ZRANB3: variants seen among roughly 807,000 people sequenced by gnomAD.
ZRANB3 encodes DNA annealing helicase and endonuclease ZRANB3.
In ZRANB3, 125 loss-of-function variants were observed where a neutral mutation model predicts 133.8. That is an observed-to-expected ratio of 0.93 (90% CI 0.81 to 1.08). The LOEUF (loss-of-function observed/expected upper bound fraction) is 1.08. ZRANB3 is among the 50% of genes least tolerant of loss of function. ZRANB3 has a pLI of 0.00. For synonymous variants in ZRANB3, 387 were observed against 432.7 expected, an observed-to-expected ratio of 0.89 and a Z score of 1.31; for missense variants, 1,229 against 1,275.5, an observed-to-expected ratio of 0.96 and a Z score of 0.56.
chr2:135,491,346 A>T (rs1391716892), intron 2 of ZRANB3, among the ~76,000 whole-genome samples: 5 of 152,096 alleles, frequency 3.3e-5, no homozygotes, highest in South Asian at 2.1e-4. Flanking sequence ...GTATTTTTTT[A>T]AATTAATTTA....
chr2:135,227,460 T>C (rs1694798698), intron 14 of ZRANB3, among the ~76,000 whole-genome samples: 1 of 152,256 alleles, frequency 6.6e-6, no homozygotes, highest in African/African-American at 2.4e-5. Flanking sequence ...AAGTGTTAGT[T>C]AATTATCTGT....
At chr2:135,297,246 CTT>C (rs1682171886) in intron 8 of ZRANB3, among the ~76,000 whole-genome samples, 1 of 152,226 alleles carries the variant, frequency 6.6e-6, no homozygotes. Context: ...TTCCCGGCCA[CTT>C]TGTTTACCTA....
intron 5 of ZRANB3, among the ~76,000 whole-genome samples, chr2:135,346,746 TCTCA>T (rs1437016764): frequency 2.6e-5 from 4 of 152,018 alleles, no homozygotes; most frequent in Non-Finnish European, 5.9e-5. Flanking sequence ...CACAGGACTG[TCTCA>T]CTGTTATTTT....
rs988330028 is a variant in ZRANB3 at position 135,234,831 on chromosome 2, A to C, written c.1540-3904T>G. ...TATACCACTAAATGCCCACAAGAGA[A>C]AGCAGGAAAGATCTAAAATTGACAC... On this transcript the variant is annotated intron_variant, in intron 12 of 20. Transcript: ENST00000264159. 5.9e-5 allele frequency among the ~76,000 whole-genome samples: 9 copies of C among 152,358 alleles called. No homozygotes were observed. In the East Asian group the frequency reaches 9.6e-4, roughly 16 times the overall value.
chr2:135,443,554 A>T (rs917331286), intron 2 of ZRANB3, among the ~76,000 whole-genome samples: 6 of 152,192 alleles, frequency 3.9e-5, no homozygotes, highest in African/African-American at 1.4e-4. Context: ...AAAAAAGTAC[A>T]TTAGTAAGCA....
intron 8 of ZRANB3, among the ~76,000 whole-genome samples, chr2:135,290,282 A>C (rs891450203): frequency 3.3e-5 from 5 of 152,310 alleles, no homozygotes; most frequent in Non-Finnish European, 5.9e-5. Flanking sequence ...CTGCAGTGTT[A>C]GGTGCATACA....
intron 1 of ZRANB3, among the ~76,000 whole-genome samples, chr2:135,516,884 T>C (rs1693719350): frequency 6.6e-6 from 1 of 152,186 alleles, no homozygotes; most frequent in Non-Finnish European, 1.5e-5. Context: ...CTTGGTTCTA[T>C]TCTCCCTGTC....
rs546544527 is a variant in ZRANB3, at chr2:135,496,405, A to C, written c.161+7924T>G. The stretch of plus-strand genomic sequence containing the variant: ...ATCTTAAAAAAAAAAAAAAAAAAAA[A>C]AAAAAAACGAAATCCGCAGATTAAG... On this transcript the variant is annotated intron_variant, in intron 2 of 20. Transcript: ENST00000264159. 2.3e-4 allele frequency among the ~76,000 whole-genome samples: 35 copies of C among 150,380 alleles called. 1 individual carries two copies. The South Asian group carries it at 5.4e-3, about 23-fold the overall frequency.
chr2:135,515,504 AAAG>A (rs780887238), intron 1 of ZRANB3, among the ~76,000 whole-genome samples: 21 of 152,132 alleles, frequency 1.4e-4, no homozygotes, highest in Non-Finnish European at 5.9e-5. Flanking sequence ...CATTGGTTTC[AAAG>A]AATTTATTTA....
chr2:135,440,433 T>C, intron 2 of ZRANB3, among the ~76,000 whole-genome samples: 1 of 151,698 alleles, frequency 6.6e-6, no homozygotes, highest in East Asian at 1.9e-4. Context: ...GATTTTCAAC[T>C]GCGTGAGGGA....
In ZRANB3 at chr2:135,275,584, A is replaced by G. The variant is rs1003097770; in HGVS notation, c.1086+52T>C. On this transcript the variant is annotated intron_variant, in intron 9 of 20. Coordinates refer to ENST00000264159, the MANE Select transcript of ZRANB3 (RefSeq NM_032143.4). Reference sequence around the variant, plus strand: ...TATGAGACTACAACTGATGTTTAGTATAGTAAAAATATGCATTCTAAAAAG... The same window carrying G: ...TATGAGACTACAACTGATGTTTAGTGTAGTAAAAATATGCATTCTAAAAAG... 15 of 1,461,208 alleles carry G rather than the reference A, an allele frequency of 1.0e-5. No individual in the cohort carries two copies. The Admixed American group carries it at 3.5e-4, about 34-fold the overall frequency. 90.5% of individuals were successfully genotyped at this position (1,461,208 alleles called of 1,614,324 possible).
chr2:135,221,076 C>T (rs901666523), intron 15 of ZRANB3, among the ~76,000 whole-genome samples: 9 of 151,902 alleles, frequency 5.9e-5, no homozygotes, highest in East Asian at 1.9e-4. Context: ...AGGCTGGTCA[C>T]GAATTCCTGA....
chr2:135,390,179 G>A (rs889560665), intron 3 of ZRANB3, among the ~76,000 whole-genome samples: 10 of 151,856 alleles, frequency 6.6e-5, no homozygotes, highest in African/African-American at 1.9e-4. Flanking sequence ...GCGCCTGGCC[G>A]TTTTGCTGTT....
chr2:135,302,173 C>G (rs1471026175), intron 8 of ZRANB3, among the ~76,000 whole-genome samples: 1 of 152,114 alleles, frequency 6.6e-6, no homozygotes, highest in African/African-American at 2.4e-5. Flanking sequence ...TTCACAGTTA[C>G]TATAGACTCT....
chr2:135,520,408 G>A (rs1215157832), intron 1 of ZRANB3, among the ~76,000 whole-genome samples: 1 of 144,028 alleles, frequency 6.9e-6, no homozygotes, highest in African/African-American at 2.8e-5. Flanking sequence ...GAGAAAAAAG[G>A]ATTTCTTTTT....
chr2:135,444,056 G>A (rs1689910174), intron 2 of ZRANB3, among the ~76,000 whole-genome samples: 1 of 151,598 alleles, frequency 6.6e-6, no homozygotes, highest in Admixed American at 6.6e-5. Context: ...ACATGGAAAT[G>A]CAAATTAAAG....
intron 2 of ZRANB3, among the ~76,000 whole-genome samples, chr2:135,436,420 G>A (rs1689534391): frequency 1.3e-5 from 2 of 152,090 alleles, no homozygotes; most frequent in East Asian, 1.9e-4. Flanking sequence ...CAAATTGGCA[G>A]GATACAAAAT....
chr2:135,200,572 AAG>A (rs1693579522), intron 20 of ZRANB3, 132 bp from the exon 21 acceptor site: 1 of 708,260 alleles, frequency 1.4e-6, no homozygotes, highest in Non-Finnish European at 2.3e-6. Flanking sequence ...TTGGCTATGG[AAG>A]AGTTACCAAA....
intron 5 of ZRANB3, among the ~76,000 whole-genome samples, chr2:135,347,860 A>G (rs1016102854): frequency 2.6e-5 from 4 of 152,194 alleles, no homozygotes; most frequent in African/African-American, 9.7e-5. Flanking sequence ...TGACTATGTT[A>G]AACAAGAAGA....
Sources: gnomAD v4.1 joint callset for allele counts (sites outside exome capture counted in the v4.1 genomes callset) on GRCh38, gnomAD v4.1.1 for gene constraint, MANE v1.5 for transcripts, NCBI Gene and HGNC (gene_info 2026-07-23, HGNC 2026-07-21) for gene names.